The following LYPLAL1 variants were observed in gnomAD, a reference collection of about 807,000 sequenced individuals.
LYPLAL1 encodes the protein lysophospholipase like 1.
LYPLAL1 carries 23 observed loss-of-function variants against 19.7 expected under a neutral mutation model. That is an observed-to-expected ratio of 1.17 (90% CI 0.84 to 1.65). The LOEUF (loss-of-function observed/expected upper bound fraction) is 1.65, where lower values mean the gene tolerates loss of function less well. LYPLAL1 is among the 40% of genes most tolerant of loss of function. The probability of loss-of-function intolerance (pLI) is 0.00; values close to 1 mark genes in which losing one functional copy is unlikely to be tolerated. For synonymous variants in LYPLAL1, 119 were observed against 96.3 expected (o/e 1.24, Z -1.38); for missense variants, 355 against 279.4 (o/e 1.27, Z -1.93).
the LYPLAL1 span, among the ~76,000 whole-genome samples, chr1:219,396,341 G>A: frequency 6.6e-6 from 1 of 152,076 alleles, no homozygotes; most frequent in Non-Finnish European, 1.5e-5. Context: ...CTGTAGTCTT[G>A]TAGTATAGTT....
chr1:219,416,050 GAGA>G, the LYPLAL1 span, among the ~76,000 whole-genome samples: 1 of 152,132 alleles, frequency 6.6e-6, no homozygotes, highest in Admixed American at 6.5e-5. Context: ...CAGAAAAGCT[GAGA>G]AGATGATAGA....
the LYPLAL1 span, among the ~76,000 whole-genome samples, chr1:219,347,537 C>T: frequency 6.6e-6 from 1 of 152,300 alleles, no homozygotes; most frequent in South Asian, 2.1e-4. Flanking sequence ...CTCATCAGAA[C>T]TAAAATAATA....
the LYPLAL1 span, among the ~76,000 whole-genome samples, chr1:219,423,989 C>T: frequency 1.3e-5 from 2 of 149,514 alleles, no homozygotes; most frequent in African/African-American, 2.4e-5. Flanking sequence ...TAGTATATAT[C>T]ACTATACACT....
At chr1:219,383,578 C>T in the LYPLAL1 span, among the ~76,000 whole-genome samples, 1 of 152,122 alleles carries the variant, frequency 6.6e-6, no homozygotes, top group Non-Finnish European at 1.5e-5. Flanking sequence ...ATGCCTATAA[C>T]CCACATGGCA....
At chr1:219,203,515 G>A (rs1015011713) in intron 3 of LYPLAL1, among the ~76,000 whole-genome samples, 13 of 152,168 alleles carry the variant, frequency 8.5e-5, no homozygotes, top group African/African-American at 2.7e-4. Context: ...GAACAATGTC[G>A]AAGGTATAGC....
the LYPLAL1 span, among the ~76,000 whole-genome samples, chr1:219,434,018 A>T: frequency 6.6e-6 from 1 of 152,184 alleles, no homozygotes. Context: ...TTTCCGAGAA[A>T]TGCCTCCAGT....
At chr1:219,349,419 A>G in the LYPLAL1 span, among the ~76,000 whole-genome samples, 2 of 152,212 alleles carry the variant, frequency 1.3e-5, no homozygotes, top group Admixed American at 6.5e-5. Flanking sequence ...GGTAAATGCT[A>G]TGAGAGAGAT....
chr1:219,424,492 C>T, the LYPLAL1 span, among the ~76,000 whole-genome samples: 1 of 152,098 alleles, frequency 6.6e-6, no homozygotes, highest in Non-Finnish European at 1.5e-5. Flanking sequence ...ATATTTTGTG[C>T]CCTGGACCAT....
chr1:219,289,620 T>C, the LYPLAL1 span, among the ~76,000 whole-genome samples: 1 of 152,198 alleles, frequency 6.6e-6, no homozygotes, highest in East Asian at 1.9e-4. Context: ...GTGAAGACTC[T>C]GCTTCAAGTA....
At chr1:219,177,058 A>T (rs975238038) in intron 1 of LYPLAL1, among the ~76,000 whole-genome samples, 13 of 152,356 alleles carry the variant, frequency 8.5e-5, no homozygotes, top group Non-Finnish European at 1.6e-4. Context: ...TACAATTTTA[A>T]ATAAAGTAGT....
At chr1:219,219,731 T>A in the LYPLAL1 span, among the ~76,000 whole-genome samples, 1 of 152,110 alleles carries the variant, frequency 6.6e-6, no homozygotes, top group South Asian at 2.1e-4. Context: ...TGTGTGTGCA[T>A]GTGTCTGTGT....
the LYPLAL1 span, among the ~76,000 whole-genome samples, chr1:219,328,786 A>G: frequency 6.6e-6 from 1 of 152,178 alleles, no homozygotes; most frequent in Non-Finnish European, 1.5e-5. Flanking sequence ...ATCATTTGCC[A>G]ACACAAAAAG....
At chr1:219,236,217 G>T in the LYPLAL1 span, among the ~76,000 whole-genome samples, 1 of 152,356 alleles carries the variant, frequency 6.6e-6, no homozygotes, top group South Asian at 2.1e-4. Flanking sequence ...CTATCTAGGA[G>T]TGTTGGATGT....
At chr1:219,298,808 A>G in the LYPLAL1 span, among the ~76,000 whole-genome samples, 1 of 152,202 alleles carries the variant, frequency 6.6e-6, no homozygotes, top group African/African-American at 2.4e-5. Flanking sequence ...CCAGAGTGAT[A>G]ATAATCTTTT....
chr1:219,186,703 A>G (rs1203551633), intron 2 of LYPLAL1, among the ~76,000 whole-genome samples: 2 of 151,638 alleles, frequency 1.3e-5, no homozygotes, highest in Non-Finnish European at 3.0e-5. Flanking sequence ...GCTGTATGGT[A>G]TGTCTTTTTC....
chr1:219,444,720 G>C, the LYPLAL1 span, among the ~76,000 whole-genome samples: 1 of 152,140 alleles, frequency 6.6e-6, no homozygotes, highest in Non-Finnish European at 1.5e-5. Flanking sequence ...GATTGGTAAA[G>C]CAGATACTGT....
chr1:219,399,062 G>A, the LYPLAL1 span, among the ~76,000 whole-genome samples: 1 of 152,214 alleles, frequency 6.6e-6, no homozygotes, highest in Admixed American at 6.5e-5. Context: ...GCAGTGCAGG[G>A]AGGGGCACCC....
the LYPLAL1 span, among the ~76,000 whole-genome samples, chr1:219,354,276 A>C: frequency 6.6e-6 from 1 of 152,172 alleles, no homozygotes; most frequent in Non-Finnish European, 1.5e-5. Flanking sequence ...AGCTCACTGG[A>C]ACCTCCACCT....
At chr1:219,246,709 C>T in the LYPLAL1 span, among the ~76,000 whole-genome samples, 1 of 152,182 alleles carries the variant, frequency 6.6e-6, no homozygotes, top group African/African-American at 2.4e-5. Flanking sequence ...ACCTCAGCCT[C>T]CTGAGTAGCT....
Sources: allele counts gnomAD v4.1 joint callset (sites outside exome capture counted in the v4.1 genomes callset), GRCh38; gene constraint gnomAD v4.1.1; transcripts MANE v1.5; gene names NCBI Gene and HGNC (gene_info 2026-07-23, HGNC 2026-07-21).